KIF26B: variants seen among roughly 807,000 people sequenced by gnomAD.
The protein encoded by KIF26B is kinesin-like protein KIF26B.
Under a neutral mutation model 151.2 loss-of-function variants are expected in KIF26B, and 63 were observed. That is an observed-to-expected ratio of 0.42 (90% CI 0.34 to 0.51). The LOEUF (loss-of-function observed/expected upper bound fraction) is 0.51. Ranked by LOEUF, KIF26B falls within the 20% of genes least tolerant of loss-of-function variation. The probability of loss-of-function intolerance (pLI) is 0.07; values close to 1 mark genes in which losing one functional copy is unlikely to be tolerated. For synonymous variants in KIF26B, 1,357 were observed against 1,262.1 expected, an observed-to-expected ratio of 1.08 and a Z score of -1.59; for missense variants, 2,813 against 2,913.6, an observed-to-expected ratio of 0.97 and a Z score of 0.79.
rs1325685290 is a variant in KIF26B, at chr1:245,359,659, C to CTT, written c.466-7175_466-7174insTT. On this transcript the variant is annotated intron_variant, in intron 2 of 14. Transcript: ENST00000407071. ...CCTTCCTTCCTTCCTTCATTCCTTCCCTCCTTCCCTCCTTTCCTTACTTCC... is the reference window on the plus strand; with the variant it reads ...CCTTCCTTCCTTCCTTCATTCCTTCCTTCTCCTTCCCTCCTTTCCTTACTTCC... Among the ~76,000 whole-genome samples the CTT allele has an allele frequency of 8.2e-3, 1,244 of 151,400 alleles. 18 individuals carry two copies. The highest frequency in any genetic ancestry group is 0.034 in the East Asian group (172 of 5,116).
At chr1:245,662,394 TAC>T (rs142122330) in intron 10 of KIF26B, among the ~76,000 whole-genome samples, 1 of 144,608 alleles carries the variant, frequency 6.9e-6, no homozygotes, top group Non-Finnish European at 1.5e-5. Context: ...CATATATATA[TAC>T]ACACACATAC....
intron 2 of KIF26B, among the ~76,000 whole-genome samples, chr1:245,346,372 G>A (rs1196705947): frequency 6.6e-6 from 1 of 152,076 alleles, no homozygotes; most frequent in Non-Finnish European, 1.5e-5. Flanking sequence ...ACCACGTTTG[G>A]TGCTAGCGCC....
chr1:245,448,436 C>T (rs972846211), intron 4 of KIF26B, among the ~76,000 whole-genome samples: 1 of 152,184 alleles, frequency 6.6e-6, no homozygotes, highest in African/African-American at 2.4e-5. Context: ...TCTCAAACTC[C>T]TGACCTCAGG....
chr1:245,341,303 G>GTTTTT (rs34249209), intron 2 of KIF26B, among the ~76,000 whole-genome samples: 2 of 82,536 alleles, frequency 2.4e-5, no homozygotes, highest in Non-Finnish European at 6.0e-5. Flanking sequence ...AAAAGATGCA[G>GTTTTT]TTTTTTTTTT....
chr1:245,359,051 C>T (rs1349649223), intron 2 of KIF26B, among the ~76,000 whole-genome samples: 1 of 151,824 alleles, frequency 6.6e-6, no homozygotes, highest in Non-Finnish European at 1.5e-5. Context: ...TGGAGTCACG[C>T]TCTGTTGCTC....
chr1:245,183,861 C>T (rs1271978369), intron 2 of KIF26B, among the ~76,000 whole-genome samples: 2 of 151,926 alleles, frequency 1.3e-5, no homozygotes, highest in African/African-American at 4.8e-5. Flanking sequence ...GCCATAATGG[C>T]ACCAGGGCAC....
At chr1:245,673,712 C>T (rs1300805619) in intron 10 of KIF26B, 1 of 152,196 alleles carries the variant, frequency 6.6e-6, no homozygotes, top group Non-Finnish European at 1.5e-5. Context: ...CACTCACACT[C>T]ATGGAAAAGC....
chr1:245,449,388 T>C (rs755813001), intron 4 of KIF26B, among the ~76,000 whole-genome samples: 7 of 152,158 alleles, frequency 4.6e-5, no homozygotes, highest in African/African-American at 7.2e-5. Flanking sequence ...CTTTTTTTTT[T>C]TGGAGGAGGC....
At position 245,331,235 on chromosome 1, in the gene KIF26B, G is replaced by A. The variant is rs553542918; in HGVS notation, c.466-35599G>A. ...GCGCTCTTGCCGGAGGAGGGTGCAC[G>A]TGCGGACCAGAGGCTTCCCAGCGCC... is the stretch of plus-strand genomic sequence containing the variant. On this transcript the variant is annotated intron_variant, in intron 2 of 14. Coordinates refer to ENST00000407071, the MANE Select transcript of KIF26B (RefSeq NM_018012.4). Among the ~76,000 whole-genome samples the A allele has an allele frequency of 7.2e-5, 11 of 152,178 alleles. No homozygotes were observed. In the South Asian group the frequency reaches 1.0e-3, roughly 14 times the overall value.
At chr1:245,336,247 A>T (rs1558393584) in intron 2 of KIF26B, among the ~76,000 whole-genome samples, 1 of 152,242 alleles carries the variant, frequency 6.6e-6, no homozygotes, top group Non-Finnish European at 1.5e-5. Flanking sequence ...CACGGATGCC[A>T]TCTAGAAGAA....
chr1:245,671,642 C>T (rs1206484516), intron 10 of KIF26B, among the ~76,000 whole-genome samples: 2 of 152,186 alleles, frequency 1.3e-5, no homozygotes, highest in Admixed American at 6.5e-5. Context: ...GTATATTTCA[C>T]CACAATAAAA....
At chr1:245,681,569 G>A (rs1258062394) in intron 10 of KIF26B, among the ~76,000 whole-genome samples, 3 of 152,118 alleles carry the variant, frequency 2.0e-5, no homozygotes, top group African/African-American at 7.2e-5. Context: ...AGGGGGATGC[G>A]CCTTCGGCCC....
Position 245,358,387 on chromosome 1 carries a change from A to G in KIF26B, c.466-8447A>G, listed in dbSNP as rs1158520762. Among the ~76,000 whole-genome samples, 3 of 152,110 alleles carry G rather than the reference A, an allele frequency of 2.0e-5. No homozygotes were observed. Among genetic ancestry groups the G allele is most frequent in the East Asian group, 1.9e-4 (1 of 5,148 alleles). ...TACAAAATATTAGCCAGGCGTGGTG[A>G]TGGGTGCCTGTAGTCCCAGCTACTC... On this transcript the variant is annotated intron_variant, in intron 2 of 14. Coordinates refer to ENST00000407071, the MANE Select transcript of KIF26B (RefSeq NM_018012.4). The surrounding 1 kb of genome is among the most constrained non-coding windows in gnomAD (Gnocchi z 4.1).
intron 2 of KIF26B, among the ~76,000 whole-genome samples, chr1:245,280,246 G>A (rs1671014465): frequency 6.6e-6 from 1 of 151,824 alleles, no homozygotes; most frequent in African/African-American, 2.4e-5. Flanking sequence ...GGGTGCGGTG[G>A]CTCACGCCTG....
chr1:245,243,882 GGAA>G (rs1670260784), intron 2 of KIF26B, among the ~76,000 whole-genome samples: 1 of 462 alleles, frequency 2.2e-3, no homozygotes, highest in African/African-American at 3.1e-3. Context: ...AAGAAAGAAA[GGAA>G]AGGAAAGGAA....
At chr1:245,568,258 G>C (rs1426349099) in intron 5 of KIF26B, among the ~76,000 whole-genome samples, 1 of 142,256 alleles carries the variant, frequency 7.0e-6, no homozygotes, top group Admixed American at 7.1e-5. Flanking sequence ...GCTCATACAT[G>C]TAATCCCAAC....
At chr1:245,341,072 TG>T (rs768745199) in intron 2 of KIF26B, among the ~76,000 whole-genome samples, 4 of 152,174 alleles carry the variant, frequency 2.6e-5, no homozygotes, top group Non-Finnish European at 5.9e-5. Flanking sequence ...CCAATCCCAG[TG>T]CCTCAGATGT....
At chr1:245,248,990 A>G (rs1284074486) in intron 2 of KIF26B, among the ~76,000 whole-genome samples, 1 of 152,260 alleles carries the variant, frequency 6.6e-6, no homozygotes. Flanking sequence ...GTTTGAAATA[A>G]GAACAAAGAA....
At position 245,685,839 on chromosome 1, in the gene KIF26B, T is replaced by A; in HGVS notation, c.2856T>A (p.Ala952=). Residue 952 remains alanine (A), a synonymous_variant, in exon 12 of 15, where the codon GCT becomes GCA. Coordinates refer to ENST00000407071, the MANE Select transcript of KIF26B (RefSeq NM_018012.4). ...GCTTTCCTTTCGAAGAACTGCCTGC[T>A]CAGTTTGGGCCAGAGCAGGCAAGCA... ...PSSFPFEELP[A]QFGPEQASRG... The A allele has an allele frequency of 6.2e-7, 1 of 1,612,164 alleles. No homozygotes were observed. Among genetic ancestry groups the A allele is most frequent in the Non-Finnish European group, 8.5e-7 (1 of 1,179,478 alleles).
Sources: allele counts gnomAD v4.1 joint callset (sites outside exome capture counted in the v4.1 genomes callset), GRCh38; gene constraint gnomAD v4.1.1; non-coding constraint Gnocchi (gnomAD v3.1); transcripts MANE v1.5; gene names NCBI Gene and HGNC (gene_info 2026-07-23, HGNC 2026-07-21).